The following SKIC3 variants were observed in gnomAD, a reference collection of about 807,000 sequenced individuals.
The protein encoded by SKIC3 is superkiller complex protein 3.
chr5:95,466,942 C>T, the SKIC3 span, among the ~76,000 whole-genome samples: 36,657 of 151,888 alleles, frequency 0.24, 5,778 homozygotes, highest in African/African-American at 0.44. Context: ...AAAGAAATAA[C>T]AACGGTAAAT....
chr5:95,470,612 G>T, the SKIC3 span, among the ~76,000 whole-genome samples: 1 of 151,890 alleles, frequency 6.6e-6, no homozygotes, highest in East Asian at 1.9e-4. Context: ...TAAGGAGAGA[G>T]GAAAGGCTGA....
At chr5:95,523,700 T>G in the SKIC3 span, 1 of 1,613,698 alleles carries the variant, frequency 6.2e-7, no homozygotes, top group South Asian at 1.1e-5. Context: ...CAGCTCCAGA[T>G]TCAGCATCAG....
the SKIC3 span, chr5:95,541,998 A>G: frequency 1.3e-6 from 1 of 795,094 alleles, no homozygotes; most frequent in Non-Finnish European, 2.1e-6. Flanking sequence ...GATAATCTAT[A>G]AAGATTATTT....
At chr5:95,500,776 A>C in the SKIC3 span, among the ~76,000 whole-genome samples, 1 of 152,176 alleles carries the variant, frequency 6.6e-6, no homozygotes, top group Admixed American at 6.5e-5. Context: ...AAATGACCTT[A>C]TATAACAAAT....
chr5:95,497,105 G>A, the SKIC3 span, among the ~76,000 whole-genome samples: 1 of 152,168 alleles, frequency 6.6e-6, no homozygotes, highest in Non-Finnish European at 1.5e-5. Flanking sequence ...CTATGTGGCA[G>A]TGTTACATTA....
the SKIC3 span, chr5:95,503,783 T>C: frequency 6.2e-7 from 1 of 1,612,380 alleles, no homozygotes; most frequent in East Asian, 2.2e-5. Context: ...CGACTCTAAA[T>C]GTGTCCTTAG....
the SKIC3 span, chr5:95,506,860 T>C: frequency 4.7e-5 from 66 of 1,418,760 alleles, no homozygotes; most frequent in Middle Eastern, 1.8e-4. Flanking sequence ...CTAGTCAGCA[T>C]ATCAGCAGTC....
chr5:95,485,066 A>G, the SKIC3 span, among the ~76,000 whole-genome samples: 1 of 152,206 alleles, frequency 6.6e-6, no homozygotes, highest in African/African-American at 2.4e-5. Flanking sequence ...AGCCTCATAT[A>G]ATTGTGACTT....
the SKIC3 span, among the ~76,000 whole-genome samples, chr5:95,511,539 G>A: frequency 6.6e-6 from 1 of 152,152 alleles, no homozygotes; most frequent in African/African-American, 2.4e-5. Flanking sequence ...TAGTGCCTCA[G>A]GCTAAATGCA....
At chr5:95,479,525 ACT>A in the SKIC3 span, among the ~76,000 whole-genome samples, 1 of 152,096 alleles carries the variant, frequency 6.6e-6, no homozygotes, top group East Asian at 1.9e-4. Context: ...ACAATAAAAT[ACT>A]CTGAGAGAAA....
At chr5:95,537,816 G>A in the SKIC3 span, among the ~76,000 whole-genome samples, 100 of 152,210 alleles carry the variant, frequency 6.6e-4, 1 homozygote, top group South Asian at 3.7e-3. Flanking sequence ...ATTTTAAAAT[G>A]AATACTCATG....
the SKIC3 span, chr5:95,491,097 A>C: frequency 6.2e-7 from 1 of 1,602,512 alleles, no homozygotes; most frequent in Non-Finnish European, 8.5e-7. Context: ...CTTAAAAACT[A>C]TCAAAAATGA....
the SKIC3 span, chr5:95,495,028 A>T: frequency 6.2e-7 from 1 of 1,613,272 alleles, no homozygotes; most frequent in African/African-American, 1.3e-5. Context: ...CTAGAACAGA[A>T]AATATTGATG....
At chr5:95,513,386 T>C in the SKIC3 span, 1 of 601,908 alleles carries the variant, frequency 1.7e-6, no homozygotes. Context: ...AATTTTTTTT[T>C]TTAAGAGACA....
chr5:95,475,370 G>GTAC, the SKIC3 span, among the ~76,000 whole-genome samples: 1 of 152,062 alleles, frequency 6.6e-6, no homozygotes, highest in Non-Finnish European at 1.5e-5. Context: ...TTCCCCCTTG[G>GTAC]TACTATACAC....
the SKIC3 span, among the ~76,000 whole-genome samples, chr5:95,499,954 C>T: frequency 5.9e-5 from 9 of 151,930 alleles, no homozygotes; most frequent in African/African-American, 2.2e-4. Context: ...TCTCCACTAA[C>T]AACCAAACTT....
At chr5:95,469,634 A>G in the SKIC3 span, 1 of 1,132,418 alleles carries the variant, frequency 8.8e-7, no homozygotes, top group Non-Finnish European at 1.3e-6. Context: ...GTTCTTCCAA[A>G]GTAGATACAG....
the SKIC3 span, chr5:95,503,853 C>A: frequency 6.8e-6 from 11 of 1,613,728 alleles, no homozygotes; most frequent in East Asian, 2.0e-4. Context: ...ATGAATAAAG[C>A]CAATGCAAAA....
the SKIC3 span, chr5:95,482,321 C>T: frequency 2.7e-5 from 22 of 824,466 alleles, no homozygotes; most frequent in Admixed American, 1.4e-4. Context: ...TTCCTTAGTT[C>T]CTCTAACCAC....
Sources: allele counts gnomAD v4.1 joint callset (sites outside exome capture counted in the v4.1 genomes callset), GRCh38; gene constraint gnomAD v4.1.1; transcripts MANE v1.5; gene names NCBI Gene and HGNC (gene_info 2026-07-23, HGNC 2026-07-21).